The following KANK1 variants were observed in gnomAD, a reference collection of about 807,000 sequenced individuals.
The protein encoded by KANK1 is KN motif and ankyrin repeat domain-containing protein 1.
Under a neutral mutation model 106.2 loss-of-function variants are expected in KANK1, and 109 were observed. That is an observed-to-expected ratio of 1.03 (90% confidence interval 0.88 to 1.20). The LOEUF (loss-of-function observed/expected upper bound fraction) is 1.20. KANK1 is among the 50% of genes most tolerant of loss of function. The pLI is 0.00. For missense variants in KANK1, 2,399 were observed against 1,710.7 expected (o/e 1.40, Z -7.10); for synonymous variants, 873 against 652.2 (o/e 1.34, Z -5.16).
Position 744,530 on chromosome 9 carries a change from C to T in KANK1, c.3937C>T (p.His1313Tyr). 3 of 1,614,144 alleles carry T rather than the reference C, an allele frequency of 1.9e-6. No individual in the cohort carries two copies. The highest frequency in any genetic ancestry group is 2.5e-6 in the Non-Finnish European group (3 of 1,179,998). Reference sequence around the variant, plus strand: ...GCTCTCAATCGCCCTGGAAGCAGGACACAAGGACATCGCTGTTCTTCTGTA... The same window carrying T: ...GCTCTCAATCGCCCTGGAAGCAGGATACAAGGACATCGCTGTTCTTCTGTA... Reference protein sequence around the residue: ...TALSIALEAGHKDIAVLLYAH... With the variant: ...TALSIALEAGYKDIAVLLYAH... The change falls in exon 11 of 12, where the codon CAC becomes TAC. Residue 1313 changes from histidine to tyrosine, a missense_variant. Transcript: ENST00000382297.
Position 712,378 on chromosome 9 carries a change from G to C in KANK1, c.1612G>C (p.Val538Leu). 2.5e-6 allele frequency: 4 copies of C among 1,614,176 alleles called. No individual in the cohort carries two copies. Among genetic ancestry groups the C allele is most frequent in the Non-Finnish European group, 3.4e-6 (4 of 1,180,038 alleles). Residue 538 changes from valine to leucine, a missense_variant, in exon 3 of 12, where the codon GTT becomes CTT. Val to Leu is a conservative substitution (Grantham distance 32). Coordinates refer to ENST00000382297, the MANE Select transcript of KANK1 (RefSeq NM_015158.5). Reference protein sequence around the residue: ...GSHMDLVDTCVGTSVETNSVG... With the variant: ...GSHMDLVDTCLGTSVETNSVG... The stretch of plus-strand genomic sequence containing the variant: ...TCACATGGACCTGGTGGACACGTGT[G>C]TTGGGACCTCCGTGGAAACAAACAG...
At chr9:557,333 CA>C (rs2061658478) in intron 1 of KANK1, among the ~76,000 whole-genome samples, 1 of 151,936 alleles carries the variant, frequency 6.6e-6, no homozygotes, top group Non-Finnish European at 1.5e-5. Context: ...AAAAGGCTGG[CA>C]AAATATGTAT....
intron 1 of KANK1, among the ~76,000 whole-genome samples, chr9:611,721 C>G (rs985468619): frequency 2.0e-5 from 3 of 152,150 alleles, no homozygotes; most frequent in African/African-American, 7.2e-5. Flanking sequence ...CCTTGACCAT[C>G]TAACTCTTTT....
At chr9:611,368 T>C (rs996279204) in intron 1 of KANK1, among the ~76,000 whole-genome samples, 9 of 152,142 alleles carry the variant, frequency 5.9e-5, no homozygotes, top group East Asian at 5.8e-4. Flanking sequence ...ACTACACTTA[T>C]CTCCAGGATT....
chr9:719,747 T>C (rs1211065219), intron 3 of KANK1, among the ~76,000 whole-genome samples: 1 of 152,138 alleles, frequency 6.6e-6, no homozygotes, highest in African/African-American at 2.4e-5. Context: ...TGGGTGATTT[T>C]TTTTTTCTTT....
At chr9:558,432 G>T (rs544116711) in intron 1 of KANK1, among the ~76,000 whole-genome samples, 4 of 152,322 alleles carry the variant, frequency 2.6e-5, no homozygotes, top group South Asian at 2.1e-4. Context: ...TTTGTCAGCT[G>T]TCAACCGATC....
intron 1 of KANK1, among the ~76,000 whole-genome samples, chr9:620,235 C>T (rs141077573): frequency 1.5e-4 from 23 of 152,148 alleles, no homozygotes; most frequent in African/African-American, 2.2e-4. Flanking sequence ...AAATGTGCAT[C>T]GTACCCTCTA....
chr9:491,236 C>G (rs771894583), intron 3 of KANK1, among the ~76,000 whole-genome samples: 1 of 151,470 alleles, frequency 6.6e-6, no homozygotes, highest in Non-Finnish European at 1.5e-5. Context: ...GCTGGAATTA[C>G]ACATGTAAAC....
chr9:540,527 A>G (rs1257080695), intron 1 of KANK1: 2 of 152,230 alleles, frequency 1.3e-5, no homozygotes, highest in South Asian at 2.1e-4. Flanking sequence ...TGGCCTTGCA[A>G]AATGAGTTTG....
chr9:488,258 AAT>A (rs986284309), intron 3 of KANK1, among the ~76,000 whole-genome samples: 2 of 152,174 alleles, frequency 1.3e-5, no homozygotes, highest in Non-Finnish European at 2.9e-5. Context: ...CTAGCCTCAC[AAT>A]ATCCAGTGTG....
intron 1 of KANK1, among the ~76,000 whole-genome samples, chr9:654,762 T>C (rs1841721177): frequency 6.6e-6 from 1 of 152,116 alleles, no homozygotes; most frequent in South Asian, 2.1e-4. Context: ...CAAGTTTTAC[T>C]GAGTTCCTTT....
intron 1 of KANK1, among the ~76,000 whole-genome samples, chr9:588,150 C>A (rs1459641963): frequency 1.3e-5 from 2 of 151,902 alleles, no homozygotes; most frequent in African/African-American, 4.8e-5. Flanking sequence ...GAACTTAAAC[C>A]AGTGAGATAC....
chr9:668,904 G>A (rs1845279062), intron 1 of KANK1, among the ~76,000 whole-genome samples: 1 of 152,044 alleles, frequency 6.6e-6, no homozygotes, highest in Non-Finnish European at 1.5e-5. Context: ...GTTCACAATA[G>A]GGTTTGCACT....
At chr9:656,793 G>T (rs1431471434) in intron 1 of KANK1, among the ~76,000 whole-genome samples, 1 of 151,972 alleles carries the variant, frequency 6.6e-6, no homozygotes, top group Non-Finnish European at 1.5e-5. Flanking sequence ...CTTAAGTGAG[G>T]TTTATTTCCA....
At chr9:728,701 C>T (rs2131631107) in intron 3 of KANK1, among the ~76,000 whole-genome samples, 1 of 152,294 alleles carries the variant, frequency 6.6e-6, no homozygotes, top group East Asian at 1.9e-4. Flanking sequence ...GTAGATGAAG[C>T]CTGCTACCTG....
intron 1 of KANK1, among the ~76,000 whole-genome samples, chr9:520,761 T>C (rs756775867): frequency 1.3e-5 from 2 of 151,782 alleles, no homozygotes; most frequent in Non-Finnish European, 2.9e-5. Context: ...GATTAATCTT[T>C]TATGAATTGG....
At chr9:692,255 C>T (rs1327433878) in intron 2 of KANK1, among the ~76,000 whole-genome samples, 1 of 152,136 alleles carries the variant, frequency 6.6e-6, no homozygotes, top group East Asian at 1.9e-4. Context: ...TGATGGGAGA[C>T]CTTAAAGGTG....
chr9:501,085 A>C (rs927516535), upstream of KANK1, among the ~76,000 whole-genome samples: 1 of 152,190 alleles, frequency 6.6e-6, no homozygotes, highest in African/African-American at 2.4e-5. Flanking sequence ...AAAAGAAAAA[A>C]AAAACCAATC....
At chr9:714,439 AACCTCTG>A (rs1184315917) in intron 3 of KANK1, among the ~76,000 whole-genome samples, 4 of 147,050 alleles carry the variant, frequency 2.7e-5, no homozygotes, top group African/African-American at 1.0e-4. Context: ...GGCTCACTGC[AACCTCTG>A]CCTCTCAGGT....
Sources: gnomAD v4.1 joint callset for allele counts (sites outside exome capture counted in the v4.1 genomes callset) on GRCh38, gnomAD v4.1.1 for gene constraint, MANE v1.5 for transcripts, NCBI Gene and HGNC (gene_info 2026-07-23, HGNC 2026-07-21) for gene names.